Variants in MCF2L2 observed in about 807,000 individuals in gnomAD.
MCF2L2 encodes MCF.2 cell line derived transforming sequence-like 2.
MCF2L2 carries 102 observed loss-of-function variants against 150.2 expected under a neutral mutation model. The ratio of observed to expected loss-of-function variants is 0.68; its 90% confidence interval spans 0.58 to 0.80. MCF2L2 has a LOEUF of 0.80. MCF2L2 is among the 30% of genes least tolerant of loss of function. The probability of loss-of-function intolerance (pLI) is 0.00; values close to 1 mark genes in which losing one functional copy is unlikely to be tolerated. For synonymous variants in MCF2L2, 465 were observed against 491.3 expected, an observed-to-expected ratio of 0.95 and a Z score of 0.71; for missense variants, 1,256 against 1,372.8, an observed-to-expected ratio of 0.91 and a Z score of 1.34.
chr3:183,288,278 T>G (rs1347635479), intron 14 of MCF2L2, among the ~76,000 whole-genome samples: 3 of 152,160 alleles, frequency 2.0e-5, no homozygotes, highest in Non-Finnish European at 4.4e-5. Flanking sequence ...TTTAAACTTC[T>G]ATTTTGAAAT....
chr3:183,359,170 T>C (rs1209359484), intron 3 of MCF2L2, among the ~76,000 whole-genome samples: 1 of 152,174 alleles, frequency 6.6e-6, no homozygotes, highest in Non-Finnish European at 1.5e-5. Flanking sequence ...AGAAAGACAT[T>C]GACTGCACTG....
chr3:183,379,678 T>C (rs568015040), intron 2 of MCF2L2, among the ~76,000 whole-genome samples: 2 of 152,262 alleles, frequency 1.3e-5, no homozygotes, highest in East Asian at 3.9e-4. Flanking sequence ...TCAGCATAGG[T>C]AGAATAGTAA....
intron 15 of MCF2L2, among the ~76,000 whole-genome samples, chr3:183,261,703 G>T (rs553420297): frequency 5.9e-5 from 9 of 151,728 alleles, no homozygotes; most frequent in South Asian, 2.1e-4. Context: ...TATTTCCCCC[G>T]CAAGGAAAAA....
intron 1 of MCF2L2, among the ~76,000 whole-genome samples, chr3:183,401,623 C>T (rs958147116): frequency 1.3e-5 from 2 of 152,204 alleles, no homozygotes; most frequent in Non-Finnish European, 2.9e-5. Context: ...CAGGCAACCA[C>T]CACTGTGACT....
chr3:183,378,756 GC>G (rs1263296651), intron 3 of MCF2L2: 3 of 151,954 alleles, frequency 2.0e-5, no homozygotes, highest in Non-Finnish European at 4.4e-5. Flanking sequence ...GGTGGCTCAA[GC>G]CTGTAATCCT....
chr3:183,297,371 C>T, intron 11 of MCF2L2: 1 of 527,732 alleles, frequency 1.9e-6, no homozygotes, highest in Non-Finnish European at 3.4e-6. Context: ...TGATACCTGT[C>T]CACTTCTCAG....
chr3:183,289,020 T>G (rs919885397), intron 14 of MCF2L2, 100 bp downstream of exon 14: 25 of 794,344 alleles, frequency 3.1e-5, no homozygotes, highest in Middle Eastern at 3.4e-4. Context: ...GTGCCTTAGG[T>G]ACAGATTAAG....
chr3:183,391,895 CTCTTT>C lies in MCF2L2; in HGVS notation c.77-2121_77-2117del, dbSNP rs1714176081. On this transcript the variant is annotated intron_variant, in intron 1 of 29. Coordinates refer to ENST00000328913, the MANE Select transcript of MCF2L2 (RefSeq NM_015078.4). ...TCATACCTGAGCATTTTTTTGATTT[CTCTTT>C]TTTAAGATATAGGATCTTGCTCTGT... is the stretch of plus-strand genomic sequence containing the variant. Among the ~76,000 whole-genome samples the C allele has an allele frequency of 4.3e-5, 6 of 139,866 alleles. No homozygotes were observed. The South Asian group carries it at 1.3e-3, about 30-fold the overall frequency. The allele number at this position is 139,866 out of a possible 152,430, so 91.8% of individuals were successfully genotyped here.
rs544358102 is a variant in MCF2L2, at chr3:183,334,666, A to T, written c.486+4134T>A. Among the ~76,000 whole-genome samples the T allele has an allele frequency of 9.9e-5, 15 of 151,738 alleles. No individual in the cohort carries two copies. The South Asian group carries it at 3.1e-3, about 32-fold the overall frequency. ...AAATTATCCGGATGTAATGGCAGGC[A>T]CCTGTAATCCCAGCTACTCGGGAGG... On this transcript the variant is annotated intron_variant, in intron 5 of 29. Transcript: ENST00000328913.
At chr3:183,257,037 A>G (rs1251377263) in intron 15 of MCF2L2, among the ~76,000 whole-genome samples, 2 of 152,238 alleles carry the variant, frequency 1.3e-5, no homozygotes, top group Non-Finnish European at 2.9e-5. Context: ...AGTATAGCTC[A>G]GTATTCTAAA....
At chr3:183,352,526 A>G (rs1306725516) in intron 3 of MCF2L2, among the ~76,000 whole-genome samples, 1 of 152,228 alleles carries the variant, frequency 6.6e-6, no homozygotes, top group African/African-American at 2.4e-5. Context: ...TTGTCTCAAA[A>G]AAAAAGAACG....
intron 14 of MCF2L2, among the ~76,000 whole-genome samples, chr3:183,285,576 A>G (rs1727742946): frequency 6.6e-6 from 1 of 152,194 alleles, no homozygotes; most frequent in African/African-American, 2.4e-5. Context: ...ACCCAGTACA[A>G]TGTCTGGCCT....
intron 6 of MCF2L2, among the ~76,000 whole-genome samples, chr3:183,321,810 A>T (rs1729824997): frequency 1.3e-5 from 2 of 152,278 alleles, no homozygotes; most frequent in Non-Finnish European, 2.9e-5. Context: ...ATGGCTACAT[A>T]CTAGGCCAGG....
At position 183,381,971 on chromosome 3, in the gene MCF2L2, G is replaced by A. The variant is rs571799189; in HGVS notation, c.161-2560C>T. 2.0e-5 allele frequency among the ~76,000 whole-genome samples: 3 copies of A among 152,202 alleles called. No homozygotes were observed. The South Asian group carries it at 6.2e-4, about 32-fold the overall frequency. On this transcript the variant is annotated intron_variant, in intron 2 of 29. Transcript: ENST00000328913. ...TAATTGCATAATCAACATTTGCTGA[G>A]GGACTGGCTAAAACATTTCAAGGAA...
At chr3:183,308,205 C>T (rs182016094) in intron 10 of MCF2L2, among the ~76,000 whole-genome samples, 124 of 152,216 alleles carry the variant, frequency 8.1e-4, no homozygotes, top group Non-Finnish European at 7.6e-4. Context: ...GCTGCACCCA[C>T]GGAACCTAGG....
intron 10 of MCF2L2, among the ~76,000 whole-genome samples, chr3:183,303,054 C>G (rs565967930): frequency 2.6e-5 from 4 of 152,058 alleles, no homozygotes; most frequent in African/African-American, 7.2e-5. Flanking sequence ...ATTAGCCAGG[C>G]ATGGTGGCAC....
intron 1 of MCF2L2, among the ~76,000 whole-genome samples, chr3:183,427,221 C>T (rs1431822495): frequency 1.3e-5 from 2 of 152,232 alleles, no homozygotes; most frequent in African/African-American, 4.8e-5. Flanking sequence ...TCAATGTCCT[C>T]TTGCCCTTAC....
intron 16 of MCF2L2, among the ~76,000 whole-genome samples, chr3:183,230,361 G>T (rs901696591): frequency 6.6e-6 from 1 of 152,096 alleles, no homozygotes; most frequent in Non-Finnish European, 1.5e-5. Flanking sequence ...CGATCCACCC[G>T]CCTCGGCCTC....
chr3:183,413,818 T>C (rs769912553), intron 1 of MCF2L2, among the ~76,000 whole-genome samples: 9 of 152,206 alleles, frequency 5.9e-5, no homozygotes, highest in South Asian at 2.1e-4. Flanking sequence ...CAAATATATT[T>C]ACTATTCATT....
Sources: gnomAD v4.1 joint callset for allele counts (sites outside exome capture counted in the v4.1 genomes callset) on GRCh38, gnomAD v4.1.1 for gene constraint, MANE v1.5 for transcripts, NCBI Gene and HGNC (gene_info 2026-07-23, HGNC 2026-07-21) for gene names.